ZNF385D: variants seen among roughly 807,000 people sequenced by gnomAD.
ZNF385D encodes the protein zinc finger protein 385D.
A neutral mutation model predicts 35.8 loss-of-function variants in ZNF385D; 15 were observed. The observed-to-expected ratio is 0.42, with a 90% CI of 0.28 to 0.64. The LOEUF is 0.64. Among genes scored for constraint, ZNF385D ranks in the 30% least tolerant of loss-of-function variants. The pLI, the probability that ZNF385D is intolerant of heterozygous loss-of-function variation, is 0.23. For synonymous variants in ZNF385D, 212 were observed against 186.8 expected (o/e 1.13, Z -1.10); for missense variants, 474 against 494.6 (o/e 0.96, Z 0.39).
At chr3:22,096,251 C>A (rs1255562394) in intron 3 of ZNF385D, among the ~76,000 whole-genome samples, 3 of 151,916 alleles carry the variant, frequency 2.0e-5, no homozygotes, top group Non-Finnish European at 2.9e-5. Flanking sequence ...ATCATTTGTA[C>A]CCCAAACCTC....
intron 4 of ZNF385D, among the ~76,000 whole-genome samples, chr3:21,506,602 A>G (rs1271758696): frequency 1.3e-5 from 2 of 152,298 alleles, no homozygotes; most frequent in Middle Eastern, 6.8e-3. Context: ...AAATTTTGCC[A>G]TTAATTTTTC....
At chr3:22,130,852 G>C (rs1703743981) in intron 3 of ZNF385D, among the ~76,000 whole-genome samples, 1 of 151,996 alleles carries the variant, frequency 6.6e-6, no homozygotes, top group Non-Finnish European at 1.5e-5. Flanking sequence ...TGTTCCTTTG[G>C]GGGAACAATC....
rs148014222 is a variant in ZNF385D, at chr3:22,126,225, C to G, written c.325+42592G>C. ...ATAATGTATCATATTGACTGATTTGCATATATTGAGCCATCCTTGATCCAT... is the reference window on the plus strand; with the variant it reads ...ATAATGTATCATATTGACTGATTTGGATATATTGAGCCATCCTTGATCCAT... On this transcript the variant is annotated intron_variant, in intron 3 of 5. Coordinates refer to the ZNF385D transcript ENST00000494108. Among the ~76,000 whole-genome samples, 380 of 150,114 alleles carry G rather than the reference C, an allele frequency of 2.5e-3. 1 individual carries two copies. Among genetic ancestry groups the G allele is most frequent in the African/African-American group, 9.0e-3 (367 of 40,774 alleles).
intron 3 of ZNF385D, among the ~76,000 whole-genome samples, chr3:21,773,959 T>C (rs1158758873): frequency 6.6e-6 from 1 of 151,964 alleles, no homozygotes; most frequent in Admixed American, 6.6e-5. Context: ...ATTGTAAAGA[T>C]ACATGCACAC....
intron 3 of ZNF385D, among the ~76,000 whole-genome samples, chr3:21,547,474 A>G (rs1368680270): frequency 1.3e-5 from 2 of 151,376 alleles, no homozygotes; most frequent in Non-Finnish European, 2.9e-5. Flanking sequence ...GTCTGACGAT[A>G]GCCCCTTCTG....
chr3:22,329,076 C>CA (rs776193960), intron 2 of ZNF385D, among the ~76,000 whole-genome samples: 7,058 of 74,578 alleles, frequency 0.095, 713 homozygotes, highest in East Asian at 0.35. Flanking sequence ...GACTCCGTCT[C>CA]AAAAAAAAAA....
At chr3:21,762,096 C>T (rs955516756) in intron 3 of ZNF385D, among the ~76,000 whole-genome samples, 8 of 151,944 alleles carry the variant, frequency 5.3e-5, no homozygotes, top group African/African-American at 1.9e-4. Context: ...CCAGGATGGT[C>T]TCGATCTCCT....
chr3:22,089,455 C>A (rs1701212459), intron 3 of ZNF385D, among the ~76,000 whole-genome samples: 1 of 152,152 alleles, frequency 6.6e-6, no homozygotes, highest in African/African-American at 2.4e-5. Context: ...CTGTGAGTTC[C>A]CAAAGACAGG....
At chr3:22,193,551 G>T (rs951102117) in intron 2 of ZNF385D, among the ~76,000 whole-genome samples, 1 of 151,954 alleles carries the variant, frequency 6.6e-6, no homozygotes, top group African/African-American at 2.4e-5. Flanking sequence ...AATCTTTACT[G>T]TTTTGGTTTG....
chr3:21,897,608 A>G (rs1699201234), intron 3 of ZNF385D, among the ~76,000 whole-genome samples: 1 of 152,176 alleles, frequency 6.6e-6, no homozygotes. Flanking sequence ...GTGACTGAGC[A>G]AGAGGAGAAA....
intron 2 of ZNF385D, among the ~76,000 whole-genome samples, chr3:22,336,704 ATATTT>A (rs968165342): frequency 8.4e-4 from 127 of 151,980 alleles, no homozygotes; most frequent in African/African-American, 2.9e-3. Flanking sequence ...ATTATAAAAA[ATATTT>A]TATTATAGCA....
chr3:21,701,126 T>C (rs2067666602), intron 1 of ZNF385D, among the ~76,000 whole-genome samples: 1 of 152,158 alleles, frequency 6.6e-6, no homozygotes, highest in Non-Finnish European at 1.5e-5. Flanking sequence ...TATGACCCTC[T>C]ACCAAACCTT....
intron 1 of ZNF385D, among the ~76,000 whole-genome samples, chr3:21,697,073 G>T (rs1480645952): frequency 6.6e-6 from 1 of 152,154 alleles, no homozygotes; most frequent in East Asian, 1.9e-4. Context: ...TCTAAGAGCA[G>T]CCTGCCTAGG....
At chr3:22,070,058 G>T (rs188556267) in intron 3 of ZNF385D, among the ~76,000 whole-genome samples, 11 of 152,228 alleles carry the variant, frequency 7.2e-5, no homozygotes, top group Non-Finnish European at 1.5e-4. Context: ...ATTGTATGCT[G>T]ACATTGAAAA....
At chr3:22,296,288 C>T (rs1463025085) in intron 2 of ZNF385D, among the ~76,000 whole-genome samples, 1 of 152,132 alleles carries the variant, frequency 6.6e-6, no homozygotes, top group African/African-American at 2.4e-5. Context: ...TGCCATTGCT[C>T]TGTGTGGCAT....
intron 3 of ZNF385D, among the ~76,000 whole-genome samples, chr3:22,074,763 T>C (rs1214028287): frequency 6.6e-6 from 1 of 151,930 alleles, no homozygotes; most frequent in Non-Finnish European, 1.5e-5. Flanking sequence ...TCTTACTTGT[T>C]CCATCATCAC....
intron 3 of ZNF385D, among the ~76,000 whole-genome samples, chr3:22,083,119 G>A (rs1257164266): frequency 6.6e-6 from 1 of 152,210 alleles, no homozygotes; most frequent in Non-Finnish European, 1.5e-5. Flanking sequence ...ACGAAGATGG[G>A]GAGAAACCAG....
intron 3 of ZNF385D, among the ~76,000 whole-genome samples, chr3:21,791,582 C>T (rs895803142): frequency 6.6e-6 from 1 of 152,150 alleles, no homozygotes; most frequent in Non-Finnish European, 1.5e-5. Flanking sequence ...GACTTGAGTT[C>T]CCCAGTGAAC....
At chr3:21,709,198 T>A (rs1046127520) in intron 1 of ZNF385D, among the ~76,000 whole-genome samples, 1 of 152,224 alleles carries the variant, frequency 6.6e-6, no homozygotes, top group African/African-American at 2.4e-5. Flanking sequence ...TCCATCTCCT[T>A]CAGGATCTCA....
Sources: gnomAD v4.1 joint callset for allele counts (sites outside exome capture counted in the v4.1 genomes callset) on GRCh38, gnomAD v4.1.1 for gene constraint, MANE v1.5 for transcripts, NCBI Gene and HGNC (gene_info 2026-07-23, HGNC 2026-07-21) for gene names.